The following SLIT3 variants were observed in gnomAD, a reference collection of about 807,000 sequenced individuals.
SLIT3 encodes slit guidance ligand 3.
In SLIT3, 68 loss-of-function variants were observed where a neutral mutation model predicts 184.0. The observed-to-expected ratio is 0.37, with a 90% CI of 0.30 to 0.45. The LOEUF is 0.45. SLIT3 is among the 20% of genes least tolerant of loss of function. The pLI, the probability that SLIT3 is intolerant of heterozygous loss-of-function variation, is 1.00. For synonymous variants in SLIT3, 831 were observed against 828.6 expected (o/e 1.00, Z -0.05); for missense variants, 1,707 against 2,026.0 (o/e 0.84, Z 3.02).
intron 4 of SLIT3, among the ~76,000 whole-genome samples, chr5:168,972,421 A>T (rs1754610885): frequency 6.7e-6 from 1 of 149,390 alleles, no homozygotes; most frequent in Non-Finnish European, 1.5e-5. Flanking sequence ...TTTTGGCTGG[A>T]GCAACTGGGT....
At chr5:168,996,902 T>C (rs11747642) in intron 4 of SLIT3, among the ~76,000 whole-genome samples, 55,628 of 151,982 alleles carry the variant, frequency 0.37, 10,874 homozygotes, top group South Asian at 0.49. Context: ...GAGTGATGTG[T>C]GGGAGAATGT....
chr5:168,953,498 C>T lies in SLIT3; in HGVS notation c.414-70162G>A, dbSNP rs188422072. ...TACATTCTTGGCCCATGTCTTTATA[C>T]AACAGATCACTTAGAAATAGGAACA... is the stretch of plus-strand genomic sequence containing the variant. On this transcript the variant is annotated intron_variant, in intron 4 of 35. Coordinates refer to ENST00000519560, the MANE Select transcript of SLIT3 (RefSeq NM_003062.4). Among the ~76,000 whole-genome samples, 24 of 152,332 alleles carry T rather than the reference C, an allele frequency of 1.6e-4. No homozygotes were observed. The East Asian group carries it at 3.3e-3, about 21-fold the overall frequency.
At chr5:168,974,794 CCTGA>C (rs1222646169) in intron 4 of SLIT3, among the ~76,000 whole-genome samples, 2 of 152,204 alleles carry the variant, frequency 1.3e-5, no homozygotes, top group Non-Finnish European at 2.9e-5. Flanking sequence ...TCCAAAATAC[CCTGA>C]CTGTCTAACT....
chr5:168,703,226 T>TTGTGTGTG (rs370363011), intron 26 of SLIT3, among the ~76,000 whole-genome samples: 11 of 126,742 alleles, frequency 8.7e-5, no homozygotes, highest in African/African-American at 1.1e-4. Context: ...TCATCCCACT[T>TTGTGTGTG]TGTGTGTGTG....
chr5:168,889,338 G>A (rs1423567311), intron 4 of SLIT3, among the ~76,000 whole-genome samples: 2 of 152,204 alleles, frequency 1.3e-5, no homozygotes, highest in African/African-American at 4.8e-5. Context: ...TGGGTGTCTA[G>A]TCAATGGCAG....
intron 4 of SLIT3, among the ~76,000 whole-genome samples, chr5:169,094,353 G>A (rs1382498485): frequency 6.6e-6 from 1 of 152,248 alleles, no homozygotes; most frequent in East Asian, 1.9e-4. Context: ...CCCAGGCCAG[G>A]TGTGTTGGCT....
chr5:168,744,275 C>A (rs187031752), intron 20 of SLIT3, among the ~76,000 whole-genome samples: 1 of 152,052 alleles, frequency 6.6e-6, no homozygotes, highest in Non-Finnish European at 1.5e-5. Context: ...GGTGAAAGAG[C>A]GAGACTCCAT....
chr5:168,855,496 C>T (rs886662267), intron 5 of SLIT3, among the ~76,000 whole-genome samples: 3 of 152,172 alleles, frequency 2.0e-5, no homozygotes, highest in African/African-American at 4.8e-5. Context: ...TGAGTGGATA[C>T]ACGAATTGTG....
chr5:168,779,582 C>A (rs1345131045), intron 12 of SLIT3, among the ~76,000 whole-genome samples: 2 of 152,308 alleles, frequency 1.3e-5, no homozygotes, highest in East Asian at 3.9e-4. Flanking sequence ...CATTGACTAC[C>A]CAGCATAGCT....
intron 4 of SLIT3, among the ~76,000 whole-genome samples, chr5:169,095,609 C>A (rs78890122): frequency 0.022 from 3,385 of 152,290 alleles, 74 homozygotes; most frequent in African/African-American, 0.049. Context: ...TCTGGAGTGG[C>A]TCGCTGTGGC....
chr5:168,966,552 G>A (rs150585582), intron 4 of SLIT3, among the ~76,000 whole-genome samples: 38 of 152,262 alleles, frequency 2.5e-4, no homozygotes, highest in African/African-American at 9.1e-4. Flanking sequence ...GGGGACAAAA[G>A]CTTCTTCTTG....
chr5:168,722,880 C>T (rs1250255097), intron 22 of SLIT3, 53 bp downstream of exon 22: 1 of 1,358,914 alleles, frequency 7.4e-7, no homozygotes, highest in Non-Finnish European at 1.1e-6. Context: ...AAAGAGTAAC[C>T]ATCTACTGCT....
intron 4 of SLIT3, among the ~76,000 whole-genome samples, chr5:168,903,037 G>A (rs113886432): frequency 0.013 from 2,012 of 152,270 alleles, 43 homozygotes; most frequent in African/African-American, 0.046. Flanking sequence ...TTCATTGACT[G>A]TTGATGAGAA....
At chr5:169,218,515 C>G (rs1363218890) in intron 3 of SLIT3, among the ~76,000 whole-genome samples, 1 of 152,226 alleles carries the variant, frequency 6.6e-6, no homozygotes, top group African/African-American at 2.4e-5. Flanking sequence ...AACCACATCT[C>G]CAGGTGACTG....
intron 10 of SLIT3, among the ~76,000 whole-genome samples, chr5:168,794,146 C>T (rs1208489235): frequency 1.3e-5 from 2 of 152,310 alleles, no homozygotes; most frequent in Admixed American, 6.5e-5. Context: ...GGCCCTCCCA[C>T]TCGAGGGAAA....
chr5:168,749,942 C>T (rs1252737054), intron 18 of SLIT3, among the ~76,000 whole-genome samples: 2 of 152,174 alleles, frequency 1.3e-5, no homozygotes, highest in Non-Finnish European at 2.9e-5. Context: ...GCTGGGAACC[C>T]GTATCTTTAC....
intron 4 of SLIT3, among the ~76,000 whole-genome samples, chr5:168,898,565 T>C (rs1002436839): frequency 5.9e-5 from 9 of 152,156 alleles, no homozygotes; most frequent in African/African-American, 2.2e-4. Context: ...GTTTTATAGT[T>C]ATAATAGCTT....
chr5:168,981,295 C>T (rs761695786), intron 4 of SLIT3, among the ~76,000 whole-genome samples: 1 of 152,030 alleles, frequency 6.6e-6, no homozygotes, highest in Non-Finnish European at 1.5e-5. Flanking sequence ...ACTGACTACG[C>T]AACAGTTCAG....
At chr5:169,166,259 A>G (rs17667652) in intron 4 of SLIT3, among the ~76,000 whole-genome samples, 43,695 of 151,974 alleles carry the variant, frequency 0.29, 6,742 homozygotes, top group East Asian at 0.5. Flanking sequence ...GGGCTAGAGA[A>G]TCGTTTGCTG....
Sources: gnomAD v4.1 joint callset for allele counts (sites outside exome capture counted in the v4.1 genomes callset) on GRCh38, gnomAD v4.1.1 for gene constraint, MANE v1.5 for transcripts, NCBI Gene and HGNC (gene_info 2026-07-23, HGNC 2026-07-21) for gene names.